The following FAM228B variants were observed in gnomAD, a reference collection of about 807,000 sequenced individuals.
FAM228B encodes family with sequence similarity 228 member B, also known as protein FAM228B.
In FAM228B, 38 loss-of-function variants were observed where a neutral mutation model predicts 42.6. The observed-to-expected ratio is 0.89, with a 90% CI of 0.69 to 1.17. The LOEUF is 1.17. Among genes scored for constraint, FAM228B ranks in the 50% most tolerant of loss-of-function variants. The probability of loss-of-function intolerance (pLI) is 0.00; values close to 1 mark genes in which losing one functional copy is unlikely to be tolerated. For missense variants in FAM228B, 344 were observed against 367.3 expected, an observed-to-expected ratio of 0.94 and a Z score of 0.52; for synonymous variants, 109 against 122.3, an observed-to-expected ratio of 0.89 and a Z score of 0.72.
intron 2 of FAM228B, chr2:24,082,965 A>G (rs1665073217): frequency 1.2e-6 from 2 of 1,614,152 alleles, no homozygotes; most frequent in East Asian, 2.2e-5. Flanking sequence ...TCCCTCTGGG[A>G]TAGGCATGAG....
chr2:24,128,317 G>T (rs980207564), intron 2 of FAM228B, among the ~76,000 whole-genome samples: 8 of 152,060 alleles, frequency 5.3e-5, no homozygotes, highest in Non-Finnish European at 1.2e-4. Flanking sequence ...TTGAACTCCT[G>T]GCCTCAAGTG....
chr2:24,101,703 G>T (rs770417515), intron 3 of FAM228B, among the ~76,000 whole-genome samples: 8 of 151,824 alleles, frequency 5.3e-5, no homozygotes, highest in Non-Finnish European at 8.8e-5. Context: ...ATTTTTTAAA[G>T]ACGGGGTCTC....
intron 3 of FAM228B, among the ~76,000 whole-genome samples, chr2:24,106,662 A>G (rs1665705217): frequency 6.6e-6 from 1 of 152,084 alleles, no homozygotes; most frequent in Non-Finnish European, 1.5e-5. Flanking sequence ...TAAGAATTTC[A>G]TATCTGGCCA....
chr2:24,101,486 G>C (rs142096425), intron 3 of FAM228B, among the ~76,000 whole-genome samples: 2,244 of 151,742 alleles, frequency 0.015, 25 homozygotes, highest in Non-Finnish European at 0.021. Flanking sequence ...GATATTATTA[G>C]TCCACAATTG....
At chr2:24,090,671 C>T (rs1484150088) in intron 2 of FAM228B, among the ~76,000 whole-genome samples, 1 of 150,438 alleles carries the variant, frequency 6.6e-6, no homozygotes, top group East Asian at 1.9e-4. Flanking sequence ...AAAACATCAA[C>T]AAATTAAAGG....
intron 1 of FAM228B, chr2:24,079,379 G>C: frequency 6.5e-7 from 1 of 1,538,846 alleles, no homozygotes; most frequent in South Asian, 1.2e-5. Context: ...CCTTTCTCGG[G>C]GTAATGTAAA....
At chr2:24,098,810 C>G (rs1573735984) in intron 3 of FAM228B, among the ~76,000 whole-genome samples, 1 of 152,168 alleles carries the variant, frequency 6.6e-6, no homozygotes, top group Non-Finnish European at 1.5e-5. Flanking sequence ...TATGCCAAAG[C>G]CTGGCAGAGA....
chr2:24,086,233 T>G (rs1285444368), intron 2 of FAM228B, among the ~76,000 whole-genome samples: 1 of 65,622 alleles, frequency 1.5e-5, no homozygotes, highest in South Asian at 5.0e-4. Flanking sequence ...AGACTCCGTC[T>G]CAAAAAAAAA....
chr2:24,113,917 C>T (rs544461279), intron 3 of FAM228B, among the ~76,000 whole-genome samples: 191 of 152,098 alleles, frequency 1.3e-3, no homozygotes, highest in African/African-American at 4.4e-3. Flanking sequence ...AAGAATCAAA[C>T]TACTGACTAA....
intron 4 of FAM228B, among the ~76,000 whole-genome samples, chr2:24,138,969 A>G (rs1244308899): frequency 2.6e-5 from 4 of 151,678 alleles, no homozygotes; most frequent in Admixed American, 2.0e-4. Context: ...AATTATACTT[A>G]CAAAATAAAT....
chr2:24,122,141 G>A (rs923027088), upstream of FAM228B, among the ~76,000 whole-genome samples: 1 of 152,098 alleles, frequency 6.6e-6, no homozygotes, highest in Admixed American at 6.5e-5. Context: ...AGACTAGCCT[G>A]ACCAACATGG....
chr2:24,158,677 C>G (rs1226239034), intron 7 of FAM228B, among the ~76,000 whole-genome samples: 1 of 152,074 alleles, frequency 6.6e-6, no homozygotes, highest in Non-Finnish European at 1.5e-5. Context: ...ATAAGAGTCT[C>G]AGTCACGATG....
chr2:24,121,868 T>C (rs1257467543), upstream of FAM228B, among the ~76,000 whole-genome samples: 1 of 152,210 alleles, frequency 6.6e-6, no homozygotes, highest in East Asian at 1.9e-4. Flanking sequence ...GGAAGCAGCC[T>C]GAGGCTTTCA....
At chr2:24,145,838 G>A (rs762999421) in intron 5 of FAM228B, among the ~76,000 whole-genome samples, 2 of 151,386 alleles carry the variant, frequency 1.3e-5, no homozygotes, top group South Asian at 2.1e-4. Context: ...ATAGGCGCCC[G>A]CCACCACGCC....
At chr2:24,144,605 C>T (rs949233286) in intron 5 of FAM228B, among the ~76,000 whole-genome samples, 5 of 152,134 alleles carry the variant, frequency 3.3e-5, no homozygotes, top group South Asian at 2.1e-4. Flanking sequence ...GCAGCCTGCT[C>T]GGCCCTGAGA....
rs755452304 is a variant in FAM228B, at chr2:24,161,594, G to A, written c.775G>A (p.Glu259Lys). 1.3e-5 allele frequency: 20 copies of A among 1,538,190 alleles called. No individual in the cohort carries two copies. The highest frequency in any genetic ancestry group is 1.8e-5 in the Non-Finnish European group (20 of 1,135,118). Residue 259 changes from glutamate to lysine, a missense_variant, in exon 8 of 11, where the codon GAA (glutamate) becomes AAA (lysine). Coordinates refer to ENST00000615575, the MANE Select transcript of FAM228B (RefSeq NM_001145710.2). ...TTATCTTTTGGAATCCCAGGAAGAA[G>A]AAAAAACAGTTATTTACAAGTAAGT... The part of the protein sequence containing the change: ...APYLLESQEE[E>K]KTVIYKNKGS...
intron 3 of FAM228B, among the ~76,000 whole-genome samples, chr2:24,113,731 G>C (rs1665838912): frequency 1.3e-5 from 2 of 152,116 alleles, no homozygotes. Flanking sequence ...ACAAAAATTA[G>C]CTAGGTGTAG....
chr2:24,115,907 C>CAAAAA (rs35038662), intron 3 of FAM228B, among the ~76,000 whole-genome samples: 2 of 117,050 alleles, frequency 1.7e-5, no homozygotes, highest in Non-Finnish European at 1.8e-5. Flanking sequence ...GGTTCCCATG[C>CAAAAA]AAAAAAAAAA....
rs1665215756 is a variant in FAM228B, at chr2:24,085,503, T to G, written c.-210+4548T>G. Among the ~76,000 whole-genome samples, 3 of 152,086 alleles carry G rather than the reference T, an allele frequency of 2.0e-5. No homozygotes were observed. In the South Asian group the frequency reaches 6.2e-4, roughly 32 times the overall value. On this transcript the variant is annotated intron_variant, in intron 2 of 10. Coordinates refer to the FAM228B transcript ENST00000613899. ...GTAGCACTCCTTGTAAATTCCTGTT[T>G]TAGTAAGAACCTCCCATCCTTGACA... is the stretch of plus-strand genomic sequence containing the variant.
Sources: gnomAD v4.1 joint callset for allele counts (sites outside exome capture counted in the v4.1 genomes callset) on GRCh38, gnomAD v4.1.1 for gene constraint, MANE v1.5 for transcripts, NCBI Gene and HGNC (gene_info 2026-07-23, HGNC 2026-07-21) for gene names.